The following ACBD6 variants were observed in gnomAD, a reference collection of about 807,000 sequenced individuals.
ACBD6 encodes the protein acyl-CoA binding domain containing 6, also known as acyl-CoA-binding domain-containing protein 6.
In ACBD6, 28 loss-of-function variants were observed where a neutral mutation model predicts 37.2. The observed-to-expected ratio is 0.75, with a 90% CI of 0.56 to 1.03. ACBD6 has a LOEUF of 1.03. ACBD6 is among the 50% of genes least tolerant of loss of function. The pLI is 0.00. For missense variants in ACBD6, 340 were observed against 337.4 expected (o/e 1.01, Z -0.06); for synonymous variants, 113 against 126.8 (o/e 0.89, Z 0.73).
intron 3 of ACBD6, among the ~76,000 whole-genome samples, chr1:180,483,263 G>A (rs1651127145): frequency 1.3e-5 from 2 of 151,876 alleles, no homozygotes; most frequent in East Asian, 1.9e-4. Flanking sequence ...TTCAATCTAT[G>A]CTCAATGTTA....
At chr1:180,450,940 A>C (rs891360859) in intron 3 of ACBD6, among the ~76,000 whole-genome samples, 3 of 152,212 alleles carry the variant, frequency 2.0e-5, no homozygotes, top group African/African-American at 7.2e-5. Context: ...TTCTTCAAAA[A>C]TTGGGCCAAT....
At chr1:180,462,066 T>A (rs1313601264) in intron 3 of ACBD6, among the ~76,000 whole-genome samples, 2 of 152,018 alleles carry the variant, frequency 1.3e-5, no homozygotes, top group Non-Finnish European at 2.9e-5. Flanking sequence ...TAAAACCCCA[T>A]CTCTACTAAA....
At chr1:180,463,220 A>T (rs1650217516) in intron 3 of ACBD6, among the ~76,000 whole-genome samples, 1 of 152,158 alleles carries the variant, frequency 6.6e-6, no homozygotes, top group Admixed American at 6.5e-5. Flanking sequence ...AAATCACCAA[A>T]ATCAGAGCTG....
At chr1:180,349,401 A>G (rs1434893145) in intron 6 of ACBD6, among the ~76,000 whole-genome samples, 1 of 151,158 alleles carries the variant, frequency 6.6e-6, no homozygotes, top group Non-Finnish European at 1.5e-5. Context: ...GACTACAGGC[A>G]CCCGCCACCA....
At chr1:180,450,776 C>A (rs566737536) in intron 3 of ACBD6, among the ~76,000 whole-genome samples, 12 of 150,986 alleles carry the variant, frequency 7.9e-5, no homozygotes, top group South Asian at 2.1e-4. Flanking sequence ...AACAAACAAA[C>A]AAAAAAAAAC....
chr1:180,337,091 A>C (rs2149303984), intron 6 of ACBD6, among the ~76,000 whole-genome samples: 1 of 152,338 alleles, frequency 6.6e-6, no homozygotes, highest in Admixed American at 6.5e-5. Flanking sequence ...AGGAGCTGGT[A>C]CCATTCCTTC....
rs1371730569 is a variant in ACBD6, at chr1:180,270,510, C to T, written c.*2715G>A. The T allele has an allele frequency of 3.3e-5, 5 of 152,236 alleles. No homozygotes were observed. In the East Asian group the frequency reaches 7.7e-4, roughly 23 times the overall value. 9.4% of individuals were successfully genotyped at this position (152,236 alleles called of 1,614,324 possible). On this transcript the variant is annotated 3_prime_UTR_variant, in exon 14 of 14. Transcript: ENST00000642319. ...TGTGCTTCCGAACACACGCACGCGC[C>T]TCTCTCTGTACCTGACTTTGAATGG...
intron 7 of ACBD6, among the ~76,000 whole-genome samples, chr1:180,291,247 T>C (rs1046794747): frequency 1.3e-5 from 2 of 152,228 alleles, no homozygotes; most frequent in Non-Finnish European, 2.9e-5. Flanking sequence ...GGTAAATATC[T>C]AGAAGTAGAA....
intron 3 of ACBD6, among the ~76,000 whole-genome samples, chr1:180,458,559 A>C (rs916878431): frequency 2.0e-4 from 31 of 152,364 alleles, no homozygotes; most frequent in African/African-American, 6.5e-4. Context: ...GGTAGTGTGG[A>C]CTGAAGGCTT....
At chr1:180,440,172 AAT>A (rs1354344003) in intron 3 of ACBD6, among the ~76,000 whole-genome samples, 1 of 152,096 alleles carries the variant, frequency 6.6e-6, no homozygotes, top group Non-Finnish European at 1.5e-5. Context: ...GCAGTGGTGC[AAT>A]CTCAGCTCAC....
rs533598807 is a variant in ACBD6 at position 180,337,760 on chromosome 1, G to A, written c.664-23038C>T. ...GATTGTATATCTAGAAAACCCCATC[G>A]TCTCAGCCCAAAATCTCCTTAAGCT... is the stretch of plus-strand genomic sequence containing the variant. On this transcript the variant is annotated intron_variant, in intron 6 of 7. Transcript: ENST00000367595. 2.2e-4 allele frequency among the ~76,000 whole-genome samples: 33 copies of A among 152,276 alleles called. No homozygotes were observed. In the East Asian group the frequency reaches 3.1e-3, roughly 14 times the overall value.
chr1:180,411,481 G>A (rs1473596759), intron 5 of ACBD6, among the ~76,000 whole-genome samples: 1 of 152,152 alleles, frequency 6.6e-6, no homozygotes, highest in Non-Finnish European at 1.5e-5. Flanking sequence ...ACTGTGATCG[G>A]TCAGCAGCCA....
intron 3 of ACBD6, chr1:180,435,406 G>A (rs1648991027): frequency 3.2e-5 from 13 of 400,548 alleles, no homozygotes; most frequent in South Asian, 2.6e-4. Flanking sequence ...CCGCCACCAC[G>A]CCTGGCTAAT....
chr1:180,486,419 T>C (rs1245283024), intron 3 of ACBD6, among the ~76,000 whole-genome samples: 1 of 152,246 alleles, frequency 6.6e-6, no homozygotes, highest in Non-Finnish European at 1.5e-5. Context: ...TCTTATGCTT[T>C]CTGCCAGCAT....
intron 1 of ACBD6, among the ~76,000 whole-genome samples, chr1:180,499,358 A>G (rs909655763): frequency 2.6e-5 from 4 of 152,224 alleles, no homozygotes; most frequent in East Asian, 1.9e-4. Context: ...ATAAGTAAGC[A>G]TATTATTCTC....
intron 5 of ACBD6, among the ~76,000 whole-genome samples, chr1:180,400,878 C>G (rs1211486029): frequency 2.0e-5 from 3 of 152,098 alleles, no homozygotes; most frequent in Non-Finnish European, 4.4e-5. Context: ...AATCTCTCCT[C>G]CAGAAGGAAA....
chr1:180,285,164 C>T (rs960022962), downstream of ACBD6, among the ~76,000 whole-genome samples: 3 of 152,034 alleles, frequency 2.0e-5, no homozygotes, highest in East Asian at 3.9e-4. Context: ...CAAAAAACGG[C>T]GTAACTGCTG....
intron 4 of ACBD6, among the ~76,000 whole-genome samples, chr1:180,427,781 G>A (rs1648646515): frequency 6.6e-6 from 1 of 152,014 alleles, no homozygotes; most frequent in Admixed American, 6.6e-5. Flanking sequence ...AATTAGTTGG[G>A]CATGGTGGTG....
intron 3 of ACBD6, among the ~76,000 whole-genome samples, chr1:180,482,475 G>A (rs1285608787): frequency 6.6e-6 from 1 of 150,584 alleles, no homozygotes; most frequent in Non-Finnish European, 1.5e-5. Flanking sequence ...ATAAGATCCC[G>A]AGTAAATATA....
Sources: gnomAD v4.1 joint callset for allele counts (sites outside exome capture counted in the v4.1 genomes callset) on GRCh38, gnomAD v4.1.1 for gene constraint, MANE v1.5 for transcripts, NCBI Gene and HGNC (gene_info 2026-07-23, HGNC 2026-07-21) for gene names.